Variants in SINHCAF observed in about 807,000 individuals in gnomAD.
The protein encoded by SINHCAF is SIN3-HDAC complex-associated factor.
SINHCAF carries 3 observed loss-of-function variants against 25.8 expected under a neutral mutation model. The ratio of observed to expected loss-of-function variants is 0.12; its 90% CI spans 0.05 to 0.30. SINHCAF has a LOEUF of 0.30. Ranked by LOEUF, SINHCAF falls within the 10% of genes least tolerant of loss-of-function variation. The pLI, the probability that SINHCAF is intolerant of heterozygous loss-of-function variation, is 1.00. For missense variants in SINHCAF, 121 were observed against 262.3 expected (o/e 0.46, Z 3.72); for synonymous variants, 70 against 85.5 (o/e 0.82, Z 1.00).
intron 1 of SINHCAF, among the ~76,000 whole-genome samples, chr12:31,320,823 A>C (rs1241843112): frequency 2.0e-5 from 3 of 152,138 alleles, no homozygotes; most frequent in Non-Finnish European, 4.4e-5. Flanking sequence ...TATTTCAAGC[A>C]GGAGCAGGGG....
intron 5 of SINHCAF, among the ~76,000 whole-genome samples, chr12:31,283,894 A>ACACAC (rs1937923210): frequency 6.6e-6 from 1 of 151,548 alleles, no homozygotes; most frequent in Non-Finnish European, 1.5e-5. Context: ...ACACACACAG[A>ACACAC]ATCACAATGT....
At chr12:31,284,737 T>G (rs1165097796) in intron 5 of SINHCAF, among the ~76,000 whole-genome samples, 1 of 152,182 alleles carries the variant, frequency 6.6e-6, no homozygotes, top group Non-Finnish European at 1.5e-5. Context: ...CCCCACATCA[T>G]GTATCACATA....
chr12:31,320,613 T>C (rs1255468997), intron 1 of SINHCAF, among the ~76,000 whole-genome samples: 1 of 152,110 alleles, frequency 6.6e-6, no homozygotes, highest in African/African-American at 2.4e-5. Context: ...TTTAAGGGCA[T>C]GGAATGGGAA....
intron 5 of SINHCAF, 69 bp from the exon 6 acceptor site, chr12:31,282,940 T>G (rs1176321684): frequency 8.0e-7 from 1 of 1,253,698 alleles, no homozygotes; most frequent in African/African-American, 1.5e-5. Flanking sequence ...AGAAATCTAC[T>G]CACTATTATA....
intron 1 of SINHCAF, among the ~76,000 whole-genome samples, chr12:31,300,764 C>A (rs1938757350): frequency 6.6e-6 from 1 of 152,090 alleles, no homozygotes; most frequent in Admixed American, 6.6e-5. Flanking sequence ...ATACGGCCCT[C>A]GTCCTCACAC....
At position 31,325,525 on chromosome 12, in the gene SINHCAF, G is replaced by A. The variant is rs183770622; in HGVS notation, c.-21+499C>T. On this transcript the variant is annotated intron_variant, in intron 1 of 5. Coordinates refer to ENST00000337682, the MANE Select transcript of SINHCAF (RefSeq NM_001135812.2). The surrounding 1 kb of genome is among the most constrained non-coding windows in gnomAD (Gnocchi z 5.9). ...TGTCCACCCTAGTCCGAGGGCTGCA[G>A]TCAACTAAACCACGAGGTTTCACAA... The A allele has an allele frequency of 9.9e-4, 264 of 267,106 alleles. No individual in the cohort carries two copies. Among genetic ancestry groups the A allele is most frequent in the African/African-American group, 5.6e-3 (248 of 43,954 alleles). The allele number at this position is 267,106 out of a possible 1,614,324, so 16.5% of individuals were successfully genotyped here.
At chr12:31,306,141 T>C (rs935306582) in intron 1 of SINHCAF, among the ~76,000 whole-genome samples, 9 of 152,188 alleles carry the variant, frequency 5.9e-5, no homozygotes, top group Non-Finnish European at 1.3e-4. Context: ...GGATGGGCAA[T>C]TGCATTACCC....
intron 5 of SINHCAF, among the ~76,000 whole-genome samples, chr12:31,286,682 A>C (rs1413495578): frequency 1.3e-5 from 2 of 151,416 alleles, no homozygotes; most frequent in Non-Finnish European, 2.9e-5. Flanking sequence ...AAAAAAAAAG[A>C]AACTGTCAAT....
chr12:31,309,664 A>ATTTTTT lies in SINHCAF; in HGVS notation c.-20-11446_-20-11441dup, dbSNP rs869251301. Among the ~76,000 whole-genome samples, 581 of 128,702 alleles carry ATTTTTT rather than the reference A, an allele frequency of 4.5e-3. 11 individuals are homozygous for ATTTTTT. Among genetic ancestry groups the ATTTTTT allele is most frequent in the African/African-American group, 0.016 (553 of 34,348 alleles). 84.4% of individuals were successfully genotyped at this position (128,702 alleles called of 152,430 possible). ...TTTACACCACTAACATCAACTTGTG[A>ATTTTTT]TTTTTTTTTTTTTTTTTTTGAGACG... On this transcript the variant is annotated intron_variant, in intron 1 of 5. Transcript: ENST00000337682.
intron 2 of SINHCAF, 75 bp downstream of exon 2, chr12:31,298,002 C>T: frequency 7.1e-7 from 1 of 1,403,242 alleles, no homozygotes; most frequent in Non-Finnish European, 9.9e-7. Flanking sequence ...GTTCCAATCA[C>T]CTTGCTTACA....
At chr12:31,307,375 G>A (rs1939074166) in intron 1 of SINHCAF, among the ~76,000 whole-genome samples, 1 of 152,178 alleles carries the variant, frequency 6.6e-6, no homozygotes, top group African/African-American at 2.4e-5. Flanking sequence ...GGGCAACATG[G>A]TAAGCCCTGT....
At chr12:31,290,735 C>T (rs1358871018) in intron 4 of SINHCAF, among the ~76,000 whole-genome samples, 1 of 151,948 alleles carries the variant, frequency 6.6e-6, no homozygotes, top group Non-Finnish European at 1.5e-5. Flanking sequence ...TTTTTGTTTT[C>T]GGAGACGGAG....
At chr12:31,303,020 C>G in intron 1 of SINHCAF, 1 of 985,026 alleles carries the variant, frequency 1.0e-6, no homozygotes, top group Non-Finnish European at 1.2e-6. Context: ...ATCTGTCTAT[C>G]TACAATATGT....
At chr12:31,307,008 A>G (rs549981777) in intron 1 of SINHCAF, among the ~76,000 whole-genome samples, 5 of 152,240 alleles carry the variant, frequency 3.3e-5, no homozygotes, top group African/African-American at 7.2e-5. Flanking sequence ...CTGTCTTAGC[A>G]TTATCTAGTG....
At chr12:31,318,967 G>GAT (rs1939601304) in intron 1 of SINHCAF, among the ~76,000 whole-genome samples, 1 of 152,106 alleles carries the variant, frequency 6.6e-6, no homozygotes, top group Admixed American at 6.5e-5. Flanking sequence ...TCTATCCCAA[G>GAT]ATATATACAA....
At chr12:31,313,328 A>C (rs1565502720) in intron 1 of SINHCAF, among the ~76,000 whole-genome samples, 1 of 152,134 alleles carries the variant, frequency 6.6e-6, no homozygotes, top group Non-Finnish European at 1.5e-5. Context: ...CATGCAGCCA[A>C]GATCACTCTT....
At chr12:31,294,666 AT>A (rs1938475527) in intron 3 of SINHCAF, among the ~76,000 whole-genome samples, 1 of 152,208 alleles carries the variant, frequency 6.6e-6, no homozygotes, top group African/African-American at 2.4e-5. Flanking sequence ...ATGACCTATT[AT>A]AATAACATAA....
intron 1 of SINHCAF, among the ~76,000 whole-genome samples, chr12:31,319,471 G>A (rs1939618334): frequency 6.6e-6 from 1 of 152,208 alleles, no homozygotes; most frequent in East Asian, 1.9e-4. Context: ...AGGTTGCAGT[G>A]AGCCAAGATC....
At chr12:31,297,010 C>T (rs758244478) in intron 2 of SINHCAF, 2 of 442,484 alleles carry the variant, frequency 4.5e-6, no homozygotes, top group East Asian at 7.2e-5. Flanking sequence ...ATAGCTACTG[C>T]ACTCCAGCCT....
Sources: allele counts gnomAD v4.1 joint callset (sites outside exome capture counted in the v4.1 genomes callset), GRCh38; gene constraint gnomAD v4.1.1; non-coding constraint Gnocchi (gnomAD v3.1); transcripts MANE v1.5; gene names NCBI Gene and HGNC (gene_info 2026-07-23, HGNC 2026-07-21).